Variants in AGBL1 observed in about 807,000 individuals in gnomAD.
The protein encoded by AGBL1 is cytosolic carboxypeptidase 4.
Under a neutral mutation model 118.9 loss-of-function variants are expected in AGBL1, and 130 were observed. The ratio of observed to expected loss-of-function variants is 1.09; its 90% confidence interval spans 0.95 to 1.26. AGBL1 has a LOEUF of 1.26. Ranked by LOEUF, AGBL1 falls within the 50% of genes most tolerant of loss-of-function variation. AGBL1 has a pLI of 0.00. For missense variants in AGBL1, 1,584 were observed against 1,298.1 expected, an observed-to-expected ratio of 1.22 and a Z score of -3.38; for synonymous variants, 555 against 478.9, an observed-to-expected ratio of 1.16 and a Z score of -2.08.
intron 21 of AGBL1, among the ~76,000 whole-genome samples, chr15:86,584,377 T>C (rs2084216313): frequency 6.6e-6 from 1 of 152,134 alleles, no homozygotes; most frequent in Non-Finnish European, 1.5e-5. Context: ...AGGAAAGGTA[T>C]GGGTCTAGTT....
At chr15:86,495,431 A>T (rs1333796479) in intron 18 of AGBL1, among the ~76,000 whole-genome samples, 2 of 150,758 alleles carry the variant, frequency 1.3e-5, no homozygotes, top group Non-Finnish European at 1.5e-5. Flanking sequence ...AAATTTCATT[A>T]AAAAAACCTT....
chr15:86,449,925 C>T (rs1295008642), intron 18 of AGBL1, among the ~76,000 whole-genome samples: 1 of 144,808 alleles, frequency 6.9e-6, no homozygotes, highest in African/African-American at 2.6e-5. Context: ...AATAAAACCC[C>T]TTTCTCTTTT....
At chr15:86,826,919 G>A (rs2141402110) in intron 22 of AGBL1, among the ~76,000 whole-genome samples, 1 of 151,978 alleles carries the variant, frequency 6.6e-6, no homozygotes, top group East Asian at 1.9e-4. Context: ...TATTATAATG[G>A]GTAAGAACAC....
intron 17 of AGBL1, among the ~76,000 whole-genome samples, chr15:86,323,931 C>A (rs1417107409): frequency 6.6e-6 from 1 of 152,068 alleles, no homozygotes; most frequent in African/African-American, 2.4e-5. Context: ...TGTAATTTAC[C>A]AAGTATTAAC....
intron 16 of AGBL1, among the ~76,000 whole-genome samples, chr15:86,283,150 T>C (rs1460592993): frequency 6.6e-6 from 1 of 152,180 alleles, no homozygotes; most frequent in Non-Finnish European, 1.5e-5. Context: ...CGTATCAAGT[T>C]ATCAGTAATT....
At chr15:86,853,300 C>T (rs1448148530) in intron 22 of AGBL1, among the ~76,000 whole-genome samples, 6 of 152,124 alleles carry the variant, frequency 3.9e-5, no homozygotes, top group Admixed American at 2.6e-4. Flanking sequence ...ACGTCTAATG[C>T]TCATACAAGA....
At chr15:86,865,116 G>C (rs1300446208) in intron 22 of AGBL1, among the ~76,000 whole-genome samples, 1 of 152,118 alleles carries the variant, frequency 6.6e-6, no homozygotes, top group Non-Finnish European at 1.5e-5. Flanking sequence ...AATAGCTGTT[G>C]GGTGAACGGT....
At chr15:86,750,289 A>G (rs1186748232) in intron 22 of AGBL1, among the ~76,000 whole-genome samples, 1 of 152,070 alleles carries the variant, frequency 6.6e-6, no homozygotes, top group Non-Finnish European at 1.5e-5. Context: ...AAATTAACAC[A>G]TAGTAATTTT....
intron 4 of AGBL1, among the ~76,000 whole-genome samples, chr15:86,156,583 A>C (rs1428469856): frequency 6.6e-6 from 1 of 152,116 alleles, no homozygotes; most frequent in Non-Finnish European, 1.5e-5. Flanking sequence ...GATGGGGTGA[A>C]TGGGAGAATG....
intron 22 of AGBL1, among the ~76,000 whole-genome samples, chr15:86,746,835 C>A (rs1241163147): frequency 6.6e-6 from 1 of 152,016 alleles, no homozygotes; most frequent in African/African-American, 2.4e-5. Context: ...TAGGCACACA[C>A]AAACAATATA....
chr15:86,749,474 C>T (rs1458906505), intron 22 of AGBL1, among the ~76,000 whole-genome samples: 4 of 151,938 alleles, frequency 2.6e-5, no homozygotes, highest in Non-Finnish European at 5.9e-5. Context: ...AATTTGACTT[C>T]CTCTTTTCCT....
chr15:86,813,764 C>T (rs887845379), intron 22 of AGBL1, among the ~76,000 whole-genome samples: 1 of 152,208 alleles, frequency 6.6e-6, no homozygotes, highest in Admixed American at 6.5e-5. Context: ...GGATTCAGGG[C>T]TATTCAAACT....
chr15:86,606,501 C>T (rs575809611), intron 21 of AGBL1, among the ~76,000 whole-genome samples: 4 of 152,232 alleles, frequency 2.6e-5, no homozygotes, highest in South Asian at 2.1e-4. Flanking sequence ...AATTGTTGAA[C>T]AACTCACCAT....
intron 21 of AGBL1, among the ~76,000 whole-genome samples, chr15:86,649,702 G>GTTT (rs1567102828): frequency 2.2e-5 from 3 of 136,976 alleles, no homozygotes; most frequent in African/African-American, 9.5e-5. Context: ...GATTAATTTG[G>GTTT]GTTTTTTTTC....
At chr15:86,681,734 TAGAA>T (rs1217311434) in intron 22 of AGBL1, among the ~76,000 whole-genome samples, 1 of 152,220 alleles carries the variant, frequency 6.6e-6, no homozygotes, top group Non-Finnish European at 1.5e-5. Flanking sequence ...CTTGTTTTAA[TAGAA>T]AGTAACGTGA....
At chr15:86,582,994 TAAA>T (rs1440285067) in intron 21 of AGBL1, among the ~76,000 whole-genome samples, 1 of 152,024 alleles carries the variant, frequency 6.6e-6, no homozygotes, top group African/African-American at 2.4e-5. Flanking sequence ...ACACATACCC[TAAA>T]ACTTAAAGTA....
chr15:86,679,597 G>A (rs1027742323), intron 22 of AGBL1, among the ~76,000 whole-genome samples: 1 of 151,924 alleles, frequency 6.6e-6, no homozygotes, highest in East Asian at 1.9e-4. Flanking sequence ...AATGTTTAAG[G>A]CTGAGGCATT....
chr15:86,828,193 T>A (rs2079058377), intron 22 of AGBL1, among the ~76,000 whole-genome samples: 1 of 151,754 alleles, frequency 6.6e-6, no homozygotes, highest in Admixed American at 6.6e-5. Context: ...TCCTCCTGCC[T>A]CGGCTTCCCA....
intron 9 of AGBL1, among the ~76,000 whole-genome samples, chr15:86,260,471 A>G (rs1445256555): frequency 6.6e-6 from 1 of 152,196 alleles, no homozygotes; most frequent in African/African-American, 2.4e-5. Flanking sequence ...GATTCTGACA[A>G]ACTCTGAAGA....
Sources: gnomAD v4.1 joint callset for allele counts (sites outside exome capture counted in the v4.1 genomes callset) on GRCh38, gnomAD v4.1.1 for gene constraint, MANE v1.5 for transcripts, NCBI Gene and HGNC (gene_info 2026-07-23, HGNC 2026-07-21) for gene names.